The following SLC41A2 variants were observed in gnomAD, a reference collection of about 807,000 sequenced individuals.
SLC41A2 encodes SLC41A1-like 1.
In SLC41A2, 32 loss-of-function variants were observed where a neutral mutation model predicts 58.3. The observed-to-expected ratio is 0.55, with a 90% CI of 0.41 to 0.74. The LOEUF (loss-of-function observed/expected upper bound fraction) is 0.74, where lower values mean the gene tolerates loss of function less well. Among genes scored for constraint, SLC41A2 ranks in the 30% least tolerant of loss-of-function variants. The probability of loss-of-function intolerance (pLI) is 0.00; values close to 1 mark genes in which losing one functional copy is unlikely to be tolerated. For missense variants in SLC41A2, 514 were observed against 680.6 expected, an observed-to-expected ratio of 0.76 and a Z score of 2.72; for synonymous variants, 190 against 235.0, an observed-to-expected ratio of 0.81 and a Z score of 1.75.
chr12:104,861,697 G>A (rs960617076), intron 7 of SLC41A2, among the ~76,000 whole-genome samples: 1 of 152,004 alleles, frequency 6.6e-6, no homozygotes, highest in Non-Finnish European at 1.5e-5. Context: ...TGGGGGTGAG[G>A]GTGACAGGGG....
chr12:104,862,683 G>T (rs938807267), intron 7 of SLC41A2, among the ~76,000 whole-genome samples: 10 of 152,030 alleles, frequency 6.6e-5, no homozygotes, highest in African/African-American at 2.4e-4. Context: ...AATAAAAATT[G>T]CACATATTTA....
At chr12:104,809,072 ACT>A (rs1294157237) in intron 10 of SLC41A2, among the ~76,000 whole-genome samples, 1 of 152,070 alleles carries the variant, frequency 6.6e-6, no homozygotes, top group African/African-American at 2.4e-5. Context: ...AACCTTTCTG[ACT>A]CTATATATCC....
chr12:104,835,180 G>A (rs1010326433), intron 10 of SLC41A2, among the ~76,000 whole-genome samples: 2 of 152,156 alleles, frequency 1.3e-5, no homozygotes, highest in African/African-American at 4.8e-5. Context: ...TTATACAGGT[G>A]GGAAACAGTG....
At chr12:104,953,997 C>T (rs1441683077) in intron 1 of SLC41A2, among the ~76,000 whole-genome samples, 2 of 152,106 alleles carry the variant, frequency 1.3e-5, no homozygotes, top group Non-Finnish European at 2.9e-5. Context: ...CTAAATAAGT[C>T]GAATCTGTCT....
At chr12:104,844,406 T>TTG (rs2042528303) in intron 10 of SLC41A2, 66 bp downstream of exon 10, 1 of 1,067,096 alleles carries the variant, frequency 9.4e-7, no homozygotes, top group South Asian at 3.3e-5. Context: ...TGTTTTTATA[T>TTG]TTCCACAGTT....
intron 10 of SLC41A2, among the ~76,000 whole-genome samples, chr12:104,813,612 T>A (rs1307449182): frequency 5.3e-5 from 8 of 152,206 alleles, no homozygotes. Context: ...TATATGTATA[T>A]ATCCATATAA....
intron 3 of SLC41A2, among the ~76,000 whole-genome samples, chr12:104,908,914 A>G (rs1186950924): frequency 6.6e-6 from 1 of 152,250 alleles, no homozygotes; most frequent in Non-Finnish European, 1.5e-5. Context: ...GTACAAGAAT[A>G]TTCATCACAA....
rs1033929235 is a variant in SLC41A2 at position 104,952,451 on chromosome 12, T to G, written c.-168+5637A>C. On this transcript the variant is annotated intron_variant, in intron 1 of 10. Coordinates refer to ENST00000258538, the MANE Select transcript of SLC41A2 (RefSeq NM_001352171.3). ...GATTGGAACCAGGTTTTGGAATACC[T>G]GTAATGCTGGGCCAATGAATTTGAA... Among the ~76,000 whole-genome samples, 4 of 152,170 alleles carry G rather than the reference T, an allele frequency of 2.6e-5. No homozygotes were observed. The East Asian group carries it at 5.8e-4, about 22-fold the overall frequency.
chr12:104,871,233 TATC>T (rs2043756906), intron 6 of SLC41A2, among the ~76,000 whole-genome samples: 1 of 152,296 alleles, frequency 6.6e-6, no homozygotes, highest in Admixed American at 6.5e-5. Flanking sequence ...AATCAATAAA[TATC>T]ATGTACACAC....
intron 7 of SLC41A2, among the ~76,000 whole-genome samples, chr12:104,861,845 A>G (rs1565850318): frequency 6.6e-6 from 1 of 152,216 alleles, no homozygotes; most frequent in Admixed American, 6.5e-5. Context: ...GGTTATTTTT[A>G]TTGTATTAAA....
chr12:104,827,485 G>T (rs12310726), intron 10 of SLC41A2, among the ~76,000 whole-genome samples: 1 of 152,060 alleles, frequency 6.6e-6, no homozygotes, highest in Non-Finnish European at 1.5e-5. Flanking sequence ...AAGTTTATCC[G>T]CTCCCATATA....
chr12:104,885,839 A>T (rs1303095379), intron 6 of SLC41A2, among the ~76,000 whole-genome samples: 1 of 151,698 alleles, frequency 6.6e-6, no homozygotes, highest in Non-Finnish European at 1.5e-5. Flanking sequence ...TGGGTTTCTG[A>T]TGGGGAAAAA....
chr12:104,880,735 T>C (rs897779824), intron 6 of SLC41A2, among the ~76,000 whole-genome samples: 1 of 152,210 alleles, frequency 6.6e-6, no homozygotes, highest in East Asian at 1.9e-4. Context: ...TTATTGAGGA[T>C]TTTTGTGTCA....
intron 8 of SLC41A2, among the ~76,000 whole-genome samples, chr12:104,855,458 T>C (rs963917179): frequency 1.1e-4 from 16 of 152,244 alleles, no homozygotes; most frequent in Admixed American, 7.8e-4. Flanking sequence ...TCCTAAATAC[T>C]ATATAATTTG....
chr12:104,890,522 T>C (rs1051045091), intron 4 of SLC41A2, among the ~76,000 whole-genome samples: 11 of 152,208 alleles, frequency 7.2e-5, no homozygotes, highest in African/African-American at 2.4e-4. Flanking sequence ...ATGGTGTGTA[T>C]ATATGTATAT....
chr12:104,906,849 T>C (rs1426299770), intron 3 of SLC41A2, among the ~76,000 whole-genome samples: 2 of 152,186 alleles, frequency 1.3e-5, no homozygotes, highest in Non-Finnish European at 2.9e-5. Flanking sequence ...GTAACCTGGA[T>C]TGATTTTTCC....
chr12:104,892,328 A>C (rs199667543), intron 4 of SLC41A2, among the ~76,000 whole-genome samples: 5,343 of 126,420 alleles, frequency 0.042, 427 homozygotes, highest in African/African-American at 0.11. Context: ...AAATAAAATA[A>C]AATAAAATAT....
intron 10 of SLC41A2, among the ~76,000 whole-genome samples, chr12:104,816,139 T>C (rs1336557340): frequency 6.6e-6 from 1 of 152,054 alleles, no homozygotes; most frequent in Non-Finnish European, 1.5e-5. Flanking sequence ...CCATACCACA[T>C]TACCCCTGCT....
chr12:104,952,877 C>T (rs1033354985), intron 1 of SLC41A2, among the ~76,000 whole-genome samples: 1 of 152,168 alleles, frequency 6.6e-6, no homozygotes, highest in African/African-American at 2.4e-5. Flanking sequence ...TTTTACCTAG[C>T]TACTTCCTAT....
Sources: gnomAD v4.1 joint callset for allele counts (sites outside exome capture counted in the v4.1 genomes callset) on GRCh38, gnomAD v4.1.1 for gene constraint, MANE v1.5 for transcripts, NCBI Gene and HGNC (gene_info 2026-07-23, HGNC 2026-07-21) for gene names.